ZNF532: variants seen among roughly 807,000 people sequenced by gnomAD.
The protein encoded by ZNF532 is zinc finger protein 532.
Under a neutral mutation model 89.3 loss-of-function variants are expected in ZNF532, and 22 were observed. The ratio of observed to expected loss-of-function variants is 0.25; its 90% CI spans 0.18 to 0.35. ZNF532 has a LOEUF of 0.35. ZNF532 is among the 10% of genes least tolerant of loss of function. ZNF532 has a pLI of 1.00. For missense variants in ZNF532, 1,132 were observed against 1,643.4 expected (o/e 0.69, Z 5.38); for synonymous variants, 606 against 649.6 (o/e 0.93, Z 1.02).
intron 2 of ZNF532, among the ~76,000 whole-genome samples, chr18:58,916,503 AGGC>A (rs2060612393): frequency 6.6e-6 from 1 of 152,124 alleles, no homozygotes; most frequent in African/African-American, 2.4e-5. Context: ...CTGTTTCCGC[AGGC>A]GCCCCTCTGA....
At position 58,948,126 on chromosome 18, in the gene ZNF532, G is replaced by A. The variant is rs754386531; in HGVS notation, c.2765G>A (p.Arg922His). 2.5e-6 allele frequency: 4 copies of A among 1,613,592 alleles called. No individual in the cohort carries two copies. Among genetic ancestry groups the A allele is most frequent in the African/African-American group, 1.3e-5 (1 of 74,848 alleles). ...TTCACCCTGCAAACCTTGCTGTATC[G>A]CCACTTTGACCAACACATTGAAAAC... ...TVFTLQTLLY[R>H]HFDQHIENQK... The change falls in exon 6 of 10, where the codon CGC becomes CAC. Residue 922 changes from arginine to histidine, a missense_variant. Around this residue, in one of 9 missense-constraint regions of ZNF532, gnomAD observed 415 missense variants for 604.8 expected, o/e 0.69. Coordinates refer to ENST00000591808, the MANE Select transcript of ZNF532 (RefSeq NM_001375912.1).
intron 2 of ZNF532, among the ~76,000 whole-genome samples, chr18:58,868,928 T>A (rs562421447): frequency 6.8e-4 from 104 of 152,238 alleles, no homozygotes; most frequent in Non-Finnish European, 1.3e-3. Flanking sequence ...ACTATATACC[T>A]AGGCTATATG....
chr18:58,880,770 G>A (rs1043791180), intron 2 of ZNF532, among the ~76,000 whole-genome samples: 22 of 144,232 alleles, frequency 1.5e-4, no homozygotes, highest in Admixed American at 3.4e-4. Context: ...GCACGCGCGC[G>A]CGTCTGTGTG....
chr18:58,920,079 A>C lies in ZNF532; in HGVS notation c.1792A>C (p.Ile598Leu). 2 of 1,613,934 alleles carry C rather than the reference A, an allele frequency of 1.2e-6. No homozygotes were observed. The highest frequency in any genetic ancestry group is 1.7e-6 in the Non-Finnish European group (2 of 1,179,862). Reference sequence around the variant, plus strand: ...CAGTGTCAATCCAGTCCCTGTTTACATCCCAAACCTCAGTCCTCCCGCCAA... The same window carrying C: ...CAGTGTCAATCCAGTCCCTGTTTACCTCCCAAACCTCAGTCCTCCCGCCAA... Reference protein sequence around the residue: ...LSSVNPVPVYIPNLSPPANAG... With the variant: ...LSSVNPVPVYLPNLSPPANAG... The change falls in exon 3 of 10, where the codon ATC (isoleucine) becomes CTC (leucine). Residue 598 changes from isoleucine (I) to leucine (L), a missense_variant. Physicochemically the swap from Ile to Leu is conservative, Grantham distance 5. Coordinates refer to ENST00000591808, the MANE Select transcript of ZNF532 (RefSeq NM_001375912.1).
intron 9 of ZNF532, among the ~76,000 whole-genome samples, chr18:58,983,188 A>G (rs1488225587): frequency 6.6e-6 from 1 of 152,198 alleles, no homozygotes; most frequent in African/African-American, 2.4e-5. Flanking sequence ...AGAGCAGAAA[A>G]GCTGGGGCAC....
In ZNF532 at chr18:58,948,191, T is replaced by C. The variant is rs1473383660; in HGVS notation, c.2830T>C (p.Leu944=). The C allele has an allele frequency of 5.0e-6, 8 of 1,613,534 alleles. No homozygotes were observed. Among genetic ancestry groups the C allele is most frequent in the Non-Finnish European group, 6.8e-6 (8 of 1,179,820 alleles). Residue 944 remains leucine, a synonymous_variant, in exon 6 of 10, where the codon TTA becomes CTA. Coordinates refer to ENST00000591808, the MANE Select transcript of ZNF532 (RefSeq NM_001375912.1). ...TTTCAAGTGTCCAGACTGTTCTCTT[T>C]TATATGCACAGAAGCAACTTATGAT... ...SVFKCPDCSL[L]YAQKQLMMDH...
chr18:58,951,805 A>G lies in ZNF532; in HGVS notation c.2869-1713A>G, dbSNP rs532346175. 3.4e-3 allele frequency among the ~76,000 whole-genome samples: 520 copies of G among 151,954 alleles called. 4 individuals are homozygous for G. Among genetic ancestry groups the G allele is most frequent in the African/African-American group, 0.012 (488 of 41,458 alleles). Reference sequence around the variant, plus strand: ...GATGGGACTACAGGCACCTGCCACCATGCACGGCTAATTTTTTGTATTTTT... The same window carrying G: ...GATGGGACTACAGGCACCTGCCACCGTGCACGGCTAATTTTTTGTATTTTT... On this transcript the variant is annotated intron_variant, in intron 6 of 9. Coordinates refer to ENST00000591808, the MANE Select transcript of ZNF532 (RefSeq NM_001375912.1).
chr18:58,916,680 A>C, intron 2 of ZNF532: 1 of 985,074 alleles, frequency 1.0e-6, no homozygotes, highest in Non-Finnish European at 1.2e-6. Context: ...CTTCAACAGT[A>C]GTTTTTTCTA....
At chr18:58,954,385 C>A in intron 7 of ZNF532, 1 of 414,546 alleles carries the variant, frequency 2.4e-6, no homozygotes, top group Non-Finnish European at 3.2e-6. Context: ...CTTATTAGAC[C>A]TAATAATATT....
At position 58,866,229 on chromosome 18, in the gene ZNF532, A is replaced by C. The variant is rs113808151; in HGVS notation, c.-18+650A>C. Among the ~76,000 whole-genome samples the C allele has an allele frequency of 9.7e-3, 1,478 of 152,298 alleles. 20 individuals carry two copies. The highest frequency in any genetic ancestry group is 0.029 in the African/African-American group (1,193 of 41,568). The stretch of plus-strand genomic sequence containing the variant: ...TCTGTGAAAAGATGCCTGTTAACTC[A>C]AAGCTGTACTGGAATGGGTGGTAGA... On this transcript the variant is annotated intron_variant, in intron 2 of 9. Coordinates refer to ENST00000591808, the MANE Select transcript of ZNF532 (RefSeq NM_001375912.1).
At chr18:58,983,869 A>G in intron 9 of ZNF532, 103 bp from the exon 10 acceptor site, 1 of 1,435,650 alleles carries the variant, frequency 7.0e-7, no homozygotes, top group Admixed American at 2.2e-5. Flanking sequence ...CAAAGCGTTC[A>G]GCACAAGTTT....
At position 58,964,533 on chromosome 18, in the gene ZNF532, G is replaced by A. The variant is rs1010609948; in HGVS notation, c.3150+10734G>A. ...TTTTGGCCACTGGAATTGATATTTTGTTTGTGTGTGTGTGTGTGTGTGTGT... is the reference window on the plus strand; with the variant it reads ...TTTTGGCCACTGGAATTGATATTTTATTTGTGTGTGTGTGTGTGTGTGTGT... On this transcript the variant is annotated intron_variant, in intron 7 of 9. Transcript: ENST00000591808. 4.3e-4 allele frequency among the ~76,000 whole-genome samples: 47 copies of A among 109,116 alleles called. 1 individual carries two copies. The highest frequency in any genetic ancestry group is 1.8e-3 in the African/African-American group (46 of 25,104). 71.6% of individuals were successfully genotyped at this position (109,116 alleles called of 152,430 possible).
At chr18:58,982,971 A>G (rs2067988756) in intron 9 of ZNF532, among the ~76,000 whole-genome samples, 2 of 152,058 alleles carry the variant, frequency 1.3e-5, no homozygotes, top group African/African-American at 2.4e-5. Context: ...AATTAGCTGG[A>G]CATCGTGGTG....
At chr18:58,894,476 A>T (rs925070875) in intron 2 of ZNF532, among the ~76,000 whole-genome samples, 1 of 151,996 alleles carries the variant, frequency 6.6e-6, no homozygotes, top group African/African-American at 2.4e-5. Flanking sequence ...TCAAAAAAAA[A>T]AAAAAAAAAG....
In ZNF532 at chr18:58,888,881, T is replaced by TA. The variant is rs1568248867; in HGVS notation, c.-18+23303dup. ...TTATATATATATAATATATATTATA[T>TA]ATATATATTTTATATATATATATAT... is the stretch of plus-strand genomic sequence containing the variant. On this transcript the variant is annotated intron_variant, in intron 2 of 9. Coordinates refer to ENST00000591808, the MANE Select transcript of ZNF532 (RefSeq NM_001375912.1). Among the ~76,000 whole-genome samples the TA allele has an allele frequency of 1.4e-3, 77 of 54,790 alleles. 7 individuals carry two copies. The highest frequency in any genetic ancestry group is 6.1e-3 in the African/African-American group (74 of 12,078). The allele number at this position is 54,790 out of a possible 152,430, so 35.9% of individuals were successfully genotyped here.
chr18:58,918,763 T>C lies in ZNF532; in HGVS notation c.476T>C (p.Phe159Ser), dbSNP rs1268483159. The change falls in exon 3 of 10, where the codon TTC (phenylalanine) becomes TCC (serine). Residue 159 changes from phenylalanine (F) to serine (S), a missense_variant. Transcript: ENST00000591808. ...PPDKEDMRSS[F>S]RSNVLTGSAP... ...GACAAGGAGGACATGCGATCAAGCTTCAGGTCGAATGTGTTGACGGGGTCG... is the reference window on the plus strand; with the variant it reads ...GACAAGGAGGACATGCGATCAAGCTCCAGGTCGAATGTGTTGACGGGGTCG... The C allele has an allele frequency of 6.2e-7, 1 of 1,614,068 alleles. No homozygotes were observed. Among genetic ancestry groups the C allele is most frequent in the Non-Finnish European group, 8.5e-7 (1 of 1,180,012 alleles).
intron 7 of ZNF532, among the ~76,000 whole-genome samples, chr18:58,966,206 T>TTAATGCTCC (rs1182478478): frequency 6.6e-6 from 1 of 152,166 alleles, no homozygotes; most frequent in African/African-American, 2.4e-5. Context: ...GATTTTGCTC[T>TTAATGCTCC]TAATGCTGGA....
At chr18:58,872,900 A>C (rs4940773) in intron 2 of ZNF532, among the ~76,000 whole-genome samples, 4,378 of 149,946 alleles carry the variant, frequency 0.029, 221 homozygotes, top group African/African-American at 0.1. Context: ...GGGTTTCACC[A>C]TGTTAGCCAG....
At chr18:58,929,252 T>G (rs1005159815) in intron 3 of ZNF532, among the ~76,000 whole-genome samples, 2 of 152,184 alleles carry the variant, frequency 1.3e-5, no homozygotes, top group African/African-American at 4.8e-5. Flanking sequence ...CCGAGTCACC[T>G]TCAAGAGTGT....
Sources: gnomAD v4.1 joint callset for allele counts (sites outside exome capture counted in the v4.1 genomes callset) on GRCh38, gnomAD v4.1.1 for gene constraint, gnomAD v4.1.1 regional missense constraint, MANE v1.5 for transcripts, NCBI Gene and HGNC (gene_info 2026-07-23, HGNC 2026-07-21) for gene names.